OPA1: variants seen among roughly 807,000 people sequenced by gnomAD.
OPA1 encodes the protein OPA1 mitochondrial dynamin like GTPase.
Under a neutral mutation model 152.9 loss-of-function variants are expected in OPA1, and 59 were observed. That is an observed-to-expected ratio of 0.39 (90% CI 0.31 to 0.48). OPA1 has a LOEUF of 0.48. OPA1 is among the 20% of genes least tolerant of loss of function. The probability of loss-of-function intolerance (pLI) is 0.96; values close to 1 mark genes in which losing one functional copy is unlikely to be tolerated. For synonymous variants in OPA1, 400 were observed against 389.9 expected (o/e 1.03, Z -0.31); for missense variants, 1,008 against 1,216.8 (o/e 0.83, Z 2.55).
intron 6 of OPA1, among the ~76,000 whole-genome samples, chr3:193,625,583 T>C (rs1280047427): frequency 6.6e-6 from 1 of 152,178 alleles, no homozygotes; most frequent in Non-Finnish European, 1.5e-5. Context: ...TATGACTTAA[T>C]GTACAACCTT....
intron 1 of OPA1, chr3:193,603,600 A>G (rs1726784941): frequency 6.6e-6 from 1 of 152,228 alleles, no homozygotes; most frequent in Admixed American, 6.5e-5. Context: ...AAAATCACGT[A>G]CTACTCCAAA....
chr3:193,612,222 C>G (rs997500108), intron 1 of OPA1, among the ~76,000 whole-genome samples: 2 of 151,230 alleles, frequency 1.3e-5, no homozygotes, highest in African/African-American at 2.4e-5. Context: ...AGCAGGCAGG[C>G]CTGGCTGATA....
chr3:193,638,123 C>G, intron 11 of OPA1, 58 bp downstream of exon 11: 1 of 1,175,232 alleles, frequency 8.5e-7, no homozygotes, highest in Non-Finnish European at 1.3e-6. Flanking sequence ...TTCAGTGAGA[C>G]CTGTTCATTG....
rs556067854 is a variant in OPA1, at chr3:193,617,346, G to A, written c.556+61G>A. ...TAAGAACCATGGAGGAAAAATACAT[G>A]GATTATTTGTTTATTCCCATTTTTT... On this transcript the variant is annotated intron_variant, in intron 4 of 30. Transcript: ENST00000361510. The A allele has an allele frequency of 5.9e-4, 564 of 951,716 alleles. 9 individuals carry two copies. In the South Asian group the frequency reaches 7.7e-3, roughly 13 times the overall value. The allele number at this position is 951,716 out of a possible 1,614,324, so 59.0% of individuals were successfully genotyped here.
At chr3:193,613,335 A>G (rs1279768598) in intron 1 of OPA1, among the ~76,000 whole-genome samples, 2 of 148,702 alleles carry the variant, frequency 1.3e-5, no homozygotes, top group Non-Finnish European at 3.0e-5. Context: ...CTCAGGCCAT[A>G]TTTAGTTTGC....
chr3:193,659,652 C>A, intron 25 of OPA1, 91 bp downstream of exon 25: 2 of 898,240 alleles, frequency 2.2e-6, no homozygotes, highest in Non-Finnish European at 3.6e-6. Context: ...TGGCTCTAGA[C>A]CAGTCTCAGG....
chr3:193,659,543 G>A lies in OPA1; in HGVS notation c.2502G>A (p.Lys834=). 1 of 1,611,880 alleles carries A rather than the reference G, an allele frequency of 6.2e-7. No homozygotes were observed. The highest frequency in any genetic ancestry group is 8.5e-7 in the Non-Finnish European group (1 of 1,178,658). The part of the protein sequence containing the change: ...PDWKKRWLYW[K]NRTQEQCVHN... ...GGAAAAAGAGGTGGTTATACTGGAA[G>A]AATCGGACCCAAGAACAGGTAGAAA... is the stretch of plus-strand genomic sequence containing the variant. Residue 834 remains lysine (K), a synonymous_variant, in exon 25 of 31, where the codon AAG becomes AAA. Transcript: ENST00000361510.
Position 193,617,279 on chromosome 3 carries a change from A to G in OPA1, c.550A>G (p.Thr184Ala). Residue 184 changes from threonine (T) to alanine (A), a missense_variant, in exon 4 of 31, where the codon ACC becomes GCC. Transcript: ENST00000361510. Reference sequence around the variant, plus strand: ...CCTTAGCTTATTGAAGGACTTTTTTACCTCAGGTAAGGAAGAAGCTGTTTG... The same window carrying G: ...CCTTAGCTTATTGAAGGACTTTTTTGCCTCAGGTAAGGAAGAAGCTGTTTG... ...ESLSLLKDFF[T>A]SGHKLVSEVI... The G allele has an allele frequency of 1.9e-6, 3 of 1,590,236 alleles. No homozygotes were observed. Among genetic ancestry groups the G allele is most frequent in the Non-Finnish European group, 1.7e-6 (2 of 1,158,574 alleles).
intron 5 of OPA1, 48 bp downstream of exon 5, chr3:193,617,885 T>C (rs1453693215): frequency 7.4e-7 from 1 of 1,350,666 alleles, no homozygotes; most frequent in Admixed American, 1.7e-5. Flanking sequence ...TTTTAAATGC[T>C]TCTAATAAAC....
intron 1 of OPA1, among the ~76,000 whole-genome samples, chr3:193,607,537 C>A (rs2108825341): frequency 6.6e-6 from 1 of 152,284 alleles, no homozygotes; most frequent in African/African-American, 2.4e-5. Context: ...TTCCCCGTTT[C>A]TTGTTTTTGT....
chr3:193,662,517 G>A (rs758381665), intron 25 of OPA1, among the ~76,000 whole-genome samples: 2 of 152,082 alleles, frequency 1.3e-5, no homozygotes, highest in African/African-American at 2.4e-5. Context: ...AAAATACATG[G>A]TAAGATTCCT....
At chr3:193,668,944 C>A in intron 29 of OPA1, 3 of 849,838 alleles carry the variant, frequency 3.5e-6, no homozygotes, top group South Asian at 1.0e-4. Flanking sequence ...TCTGTTTGAG[C>A]CTGCCTTGTT....
intron 8 of OPA1, among the ~76,000 whole-genome samples, chr3:193,632,260 T>C (rs1391212990): frequency 2.0e-5 from 3 of 152,164 alleles, no homozygotes; most frequent in Non-Finnish European, 4.4e-5. Flanking sequence ...AGTGGGCGGA[T>C]CACAAGGTCA....
chr3:193,631,363 A>G (rs555545959), intron 7 of OPA1, among the ~76,000 whole-genome samples: 8 of 152,352 alleles, frequency 5.3e-5, no homozygotes, highest in Admixed American at 3.3e-4. Flanking sequence ...AGAAATGACT[A>G]GAATAGCAAC....
At chr3:193,630,192 T>C (rs1220458570) in intron 7 of OPA1, among the ~76,000 whole-genome samples, 1 of 152,200 alleles carries the variant, frequency 6.6e-6, no homozygotes, top group Non-Finnish European at 1.5e-5. Context: ...GGCGACTGTT[T>C]ATAATTCTTG....
chr3:193,598,116 A>G lies in OPA1; in HGVS notation c.32+4707A>G, dbSNP rs533848874. 2.6e-5 allele frequency among the ~76,000 whole-genome samples: 4 copies of G among 152,328 alleles called. No individual in the cohort carries two copies. The South Asian group carries it at 8.3e-4, about 32-fold the overall frequency. ...AAATACCCTGTCTCAAAAATAAAAA[A>G]TAAATATGGGAGGAGAGATTTGACT... On this transcript the variant is annotated intron_variant, in intron 1 of 30. Coordinates refer to ENST00000361510, the MANE Select transcript of OPA1 (RefSeq NM_130837.3).
At chr3:193,594,950 G>A (rs917952992) in intron 1 of OPA1, among the ~76,000 whole-genome samples, 5 of 152,200 alleles carry the variant, frequency 3.3e-5, no homozygotes, top group African/African-American at 9.7e-5. Flanking sequence ...AGCATTCTCT[G>A]TTGGAGCAAT....
chr3:193,672,354 A>G (rs572874880), intron 29 of OPA1, among the ~76,000 whole-genome samples: 49 of 152,328 alleles, frequency 3.2e-4, no homozygotes, highest in Admixed American at 3.1e-3. Context: ...TGCTAAGCCA[A>G]GTTTCACCAG....
Position 193,658,934 on chromosome 3 carries a change from A to G in OPA1, c.2379A>G (p.Lys793=), listed in dbSNP as rs1714568485. 15 of 1,613,986 alleles carry G rather than the reference A, an allele frequency of 9.3e-6. No homozygotes were observed. The highest frequency in any genetic ancestry group is 1.3e-5 in the African/African-American group (1 of 75,034). ...NALEDRSISD[K]QQWDAAIYFM... ...TGGAAGACCGATCCATATCTGATAA[A>G]CAGCAATGGGATGCAGCTATTTATT... The change falls in exon 24 of 31, where the codon AAA becomes AAG. Residue 793 remains lysine, a synonymous_variant. Coordinates refer to ENST00000361510, the MANE Select transcript of OPA1 (RefSeq NM_130837.3).
Sources: allele counts gnomAD v4.1 joint callset (sites outside exome capture counted in the v4.1 genomes callset), GRCh38; gene constraint gnomAD v4.1.1; transcripts MANE v1.5; gene names NCBI Gene and HGNC (gene_info 2026-07-23, HGNC 2026-07-21).